FMN2: variants seen among roughly 807,000 people sequenced by gnomAD.
FMN2 encodes the protein formin 2, also known as formin-2.
Under a neutral mutation model 142.3 loss-of-function variants are expected in FMN2, and 51 were observed. The ratio of observed to expected loss-of-function variants is 0.36; its 90% CI spans 0.29 to 0.45. FMN2 has a LOEUF of 0.45. Among genes scored for constraint, FMN2 ranks in the 20% least tolerant of loss-of-function variants. The pLI, the probability that FMN2 is intolerant of heterozygous loss-of-function variation, is 1.00. For synonymous variants in FMN2, 882 were observed against 869.8 expected, an observed-to-expected ratio of 1.01 and a Z score of -0.25; for missense variants, 1,936 against 2,122.8, an observed-to-expected ratio of 0.91 and a Z score of 1.73.
At chr1:240,228,336 AAAG>A (rs1558380551) in intron 6 of FMN2, among the ~76,000 whole-genome samples, 8 of 81,092 alleles carry the variant, frequency 9.9e-5, no homozygotes, top group South Asian at 7.6e-4. Flanking sequence ...AAAAAAAGAA[AAAG>A]AAAAAGAAAA....
chr1:240,153,577 C>T (rs1663878726), intron 2 of FMN2, among the ~76,000 whole-genome samples: 1 of 151,860 alleles, frequency 6.6e-6, no homozygotes, highest in Non-Finnish European at 1.5e-5. Context: ...GTTGTCCAGG[C>T]TGGCCTTGAA....
intron 16 of FMN2, among the ~76,000 whole-genome samples, chr1:240,440,500 T>C (rs1440788426): frequency 6.6e-6 from 1 of 152,210 alleles, no homozygotes; most frequent in Non-Finnish European, 1.5e-5. Context: ...ATCCATTTTT[T>C]TTGGTTCTTT....
chr1:240,275,183 G>T (rs192900156), intron 7 of FMN2, among the ~76,000 whole-genome samples: 17 of 150,886 alleles, frequency 1.1e-4, no homozygotes, highest in Non-Finnish European at 1.9e-4. Flanking sequence ...GTGTTTTGCT[G>T]CATGCATCAA....
intron 6 of FMN2, among the ~76,000 whole-genome samples, chr1:240,240,813 A>G (rs1667871265): frequency 6.6e-6 from 1 of 152,230 alleles, no homozygotes; most frequent in Non-Finnish European, 1.5e-5. Flanking sequence ...GCAACCAGAT[A>G]GGTGAAACAT....
At chr1:240,144,465 G>T in intron 2 of FMN2, 1 of 1,569,174 alleles carries the variant, frequency 6.4e-7, no homozygotes, top group Non-Finnish European at 8.8e-7. Flanking sequence ...CTCAGCTCCA[G>T]GAACACCCCA....
chr1:240,188,114 A>C, intron 3 of FMN2, 93 bp from the exon 4 acceptor site: 2 of 1,237,166 alleles, frequency 1.6e-6, no homozygotes. Flanking sequence ...CTTATGGTTA[A>C]TGATATATTT....
At chr1:240,173,080 C>A (rs901550724) in intron 2 of FMN2, among the ~76,000 whole-genome samples, 1 of 151,990 alleles carries the variant, frequency 6.6e-6, no homozygotes, top group Non-Finnish European at 1.5e-5. Context: ...GGACTACAGG[C>A]GCCTGCCACC....
At chr1:240,271,347 T>G (rs1471648513) in intron 7 of FMN2, among the ~76,000 whole-genome samples, 2 of 151,720 alleles carry the variant, frequency 1.3e-5, no homozygotes, top group African/African-American at 4.8e-5. Flanking sequence ...TGTTTATTTT[T>G]GTAATAGTCT....
At chr1:240,426,130 G>A (rs1323267568) in intron 15 of FMN2, among the ~76,000 whole-genome samples, 2 of 152,152 alleles carry the variant, frequency 1.3e-5, no homozygotes, top group African/African-American at 4.8e-5. Flanking sequence ...ATCATAACTT[G>A]TGGCAAGAAA....
intron 4 of FMN2, among the ~76,000 whole-genome samples, chr1:240,206,287 C>T (rs920093754): frequency 1.3e-5 from 2 of 152,158 alleles, no homozygotes; most frequent in Non-Finnish European, 2.9e-5. Context: ...TTCTAGTAAA[C>T]ATGATATAAG....
At chr1:240,256,941 T>G (rs1668468905) in intron 6 of FMN2, among the ~76,000 whole-genome samples, 2 of 152,226 alleles carry the variant, frequency 1.3e-5, no homozygotes, top group Non-Finnish European at 2.9e-5. Flanking sequence ...TTTATTACTA[T>G]CCTGATTGAC....
At chr1:240,352,549 C>T (rs1051395241) in intron 13 of FMN2, among the ~76,000 whole-genome samples, 1 of 152,072 alleles carries the variant, frequency 6.6e-6, no homozygotes, top group African/African-American at 2.4e-5. Flanking sequence ...CCACTGCACT[C>T]CAGGCTGGGC....
chr1:240,250,155 C>T (rs1219598267), intron 6 of FMN2, among the ~76,000 whole-genome samples: 2 of 152,084 alleles, frequency 1.3e-5, no homozygotes. Flanking sequence ...AAGTGAGCAT[C>T]CTTGTCTTGT....
chr1:240,415,530 T>TAA (rs372874071), intron 15 of FMN2, among the ~76,000 whole-genome samples: 2,632 of 140,586 alleles, frequency 0.019, 46 homozygotes, highest in African/African-American at 0.048. Context: ...TTAAGTATAA[T>TAA]AAAAAAAAAA....
intron 2 of FMN2, chr1:240,144,359 A>G (rs1460215410): frequency 8.7e-6 from 14 of 1,606,488 alleles, no homozygotes; most frequent in Admixed American, 8.3e-5. Context: ...CTTGGGCTCC[A>G]TGATGTCCAG....
intron 14 of FMN2, 107 bp downstream of exon 14, chr1:240,356,015 A>G (rs1672260678): frequency 8.2e-6 from 6 of 729,878 alleles, no homozygotes; most frequent in Admixed American, 2.9e-5. Context: ...AAAAATACAT[A>G]TTGCTTTAAA....
chr1:240,231,519 A>G (rs1667523965), intron 6 of FMN2, among the ~76,000 whole-genome samples: 1 of 152,238 alleles, frequency 6.6e-6, no homozygotes, highest in African/African-American at 2.4e-5. Context: ...CTAAATTAGA[A>G]TCATTTATTT....
chr1:240,115,231 G>A (rs1354991760), intron 1 of FMN2, among the ~76,000 whole-genome samples: 1 of 152,118 alleles, frequency 6.6e-6, no homozygotes, highest in African/African-American at 2.4e-5. Context: ...ATAGTTAGCA[G>A]TCATGTGTAT....
At chr1:240,121,488 G>C (rs997798907) in intron 1 of FMN2, among the ~76,000 whole-genome samples, 3 of 150,258 alleles carry the variant, frequency 2.0e-5, no homozygotes, top group Non-Finnish European at 4.4e-5. Flanking sequence ...TGATTCTCTT[G>C]CCTCAGCCTC....
Sources: allele counts gnomAD v4.1 joint callset (sites outside exome capture counted in the v4.1 genomes callset), GRCh38; gene constraint gnomAD v4.1.1; transcripts MANE v1.5; gene names NCBI Gene and HGNC (gene_info 2026-07-23, HGNC 2026-07-21).